DDX10: variants seen among roughly 807,000 people sequenced by gnomAD.
The protein encoded by DDX10 is DEAD-box helicase 10.
Under a neutral mutation model 104.3 loss-of-function variants are expected in DDX10, and 74 were observed. The observed-to-expected ratio is 0.71, with a 90% CI of 0.59 to 0.86. The LOEUF (loss-of-function observed/expected upper bound fraction) is 0.86. Ranked by LOEUF, DDX10 falls within the 40% of genes least tolerant of loss-of-function variation. The pLI is 0.00. For missense variants in DDX10, 952 were observed against 1,040.0 expected, an observed-to-expected ratio of 0.92 and a Z score of 1.16; for synonymous variants, 351 against 353.4, an observed-to-expected ratio of 0.99 and a Z score of 0.08.
Position 108,715,899 on chromosome 11 carries a change from T to C in DDX10, c.1343T>C (p.Ile448Thr), listed in dbSNP as rs754230853. ...CAAAGAATCAATCCAGAAAAACTTA[T>C]AGATGTCCAGAAAAAATTGGAATCT... is the stretch of plus-strand genomic sequence containing the variant. Reference protein sequence around the residue: ...KEIKINPEKLIDVQKKLESIL... With the variant: ...KEIKINPEKLTDVQKKLESIL... Residue 448 changes from isoleucine to threonine, a missense_variant, in exon 11 of 18, where the codon ATA becomes ACA. Ile to Thr is a moderately conservative substitution (Grantham distance 89). Around this residue, in one of 3 missense-constraint regions of DDX10, gnomAD observed 533 missense variants for 534.1 expected, o/e 1.00. Transcript: ENST00000322536. 126 of 1,539,570 alleles carry C rather than the reference T, an allele frequency of 8.2e-5. No individual in the cohort carries two copies. Among genetic ancestry groups the C allele is most frequent in the Admixed American group, 6.3e-4 (37 of 58,626 alleles).
chr11:108,711,129 G>T (rs529219068), intron 10 of DDX10, among the ~76,000 whole-genome samples: 1 of 152,330 alleles, frequency 6.6e-6, no homozygotes, highest in South Asian at 2.1e-4. Context: ...ACATCATTAT[G>T]TGGCCCATGA....
intron 13 of DDX10, among the ~76,000 whole-genome samples, chr11:108,793,025 C>T (rs1212580285): frequency 6.6e-6 from 1 of 152,120 alleles, no homozygotes; most frequent in Non-Finnish European, 1.5e-5. Context: ...GTCTAGAAAT[C>T]GATGACCTGA....
At chr11:108,744,566 T>A (rs1264223863) in intron 13 of DDX10, among the ~76,000 whole-genome samples, 1 of 152,152 alleles carries the variant, frequency 6.6e-6, no homozygotes, top group African/African-American at 2.4e-5. Flanking sequence ...TTGGGAGTGT[T>A]AGTTGACCTT....
intron 14 of DDX10, among the ~76,000 whole-genome samples, 155 bp from the exon 15 acceptor site, chr11:108,841,160 A>G (rs1027246120): frequency 2.0e-5 from 3 of 152,350 alleles, no homozygotes. Flanking sequence ...AGTCTCTTCT[A>G]TGGCTTGAAG....
In DDX10 at chr11:108,920,917, C is replaced by T. The variant is rs1313375128; in HGVS notation, c.2450+2899C>T. ...GGTATCTCTGAGGAAGCAAAATTGC[C>T]CACAGTTGAGAACAACTGGATTAGA... is the stretch of plus-strand genomic sequence containing the variant. On this transcript the variant is annotated intron_variant, in intron 17 of 17. Coordinates refer to ENST00000322536, the MANE Select transcript of DDX10 (RefSeq NM_004398.4). The T allele has an allele frequency of 2.0e-5, 3 of 152,168 alleles. No individual in the cohort carries two copies. The East Asian group carries it at 5.8e-4, about 29-fold the overall frequency. The allele number at this position is 152,168 out of a possible 1,614,324, so 9.4% of individuals were successfully genotyped here.
At chr11:108,743,197 T>C (rs2094327409) in intron 13 of DDX10, among the ~76,000 whole-genome samples, 1 of 152,188 alleles carries the variant, frequency 6.6e-6, no homozygotes, top group Admixed American at 6.5e-5. Flanking sequence ...AAGTAGGCTT[T>C]ATCCCTGGGA....
chr11:108,710,886 C>T (rs764639596), intron 10 of DDX10, among the ~76,000 whole-genome samples: 72 of 152,156 alleles, frequency 4.7e-4, no homozygotes, highest in Non-Finnish European at 8.2e-4. Context: ...GTCTCCTAGG[C>T]CTAAGTGATC....
At chr11:108,745,069 T>TCCCCCTTCCCCCTC (rs2094329844) in intron 13 of DDX10, among the ~76,000 whole-genome samples, 1 of 58,602 alleles carries the variant, frequency 1.7e-5, no homozygotes, top group African/African-American at 7.3e-5. Flanking sequence ...CCTTCCCCCT[T>TCCCCCTTCCCCCTC]CCCCCTTCCC....
chr11:108,726,498 A>C (rs2134479906), intron 13 of DDX10, among the ~76,000 whole-genome samples: 1 of 152,172 alleles, frequency 6.6e-6, no homozygotes, highest in South Asian at 2.1e-4. Context: ...ATTTCCAATT[A>C]TTTGTTGCCA....
intron 17 of DDX10, among the ~76,000 whole-genome samples, chr11:108,924,578 T>C (rs919895058): frequency 9.9e-5 from 15 of 152,242 alleles, no homozygotes; most frequent in Non-Finnish European, 2.1e-4. Flanking sequence ...TAAAAATCTG[T>C]TCCATATTCA....
At chr11:108,905,530 T>G (rs1240633260) in intron 16 of DDX10, among the ~76,000 whole-genome samples, 2 of 152,200 alleles carry the variant, frequency 1.3e-5, no homozygotes, top group Non-Finnish European at 2.9e-5. Flanking sequence ...TGCATAGTGA[T>G]GTATCCATCG....
chr11:108,727,993 T>A (rs1003248634), intron 13 of DDX10, among the ~76,000 whole-genome samples: 1 of 151,914 alleles, frequency 6.6e-6, no homozygotes, highest in African/African-American at 2.4e-5. Flanking sequence ...GGGTACATTT[T>A]AGTAAATGCA....
chr11:108,696,799 C>A (rs955162795), intron 9 of DDX10, among the ~76,000 whole-genome samples: 1 of 151,642 alleles, frequency 6.6e-6, no homozygotes. Flanking sequence ...TTAGATGTGC[C>A]AGTGGTATTG....
At chr11:108,748,534 A>G (rs2094334565) in intron 13 of DDX10, among the ~76,000 whole-genome samples, 1 of 152,220 alleles carries the variant, frequency 6.6e-6, no homozygotes, top group African/African-American at 2.4e-5. Flanking sequence ...TCATGAAATA[A>G]GGGTTGAAGA....
chr11:108,893,996 C>G (rs1863408942), intron 16 of DDX10, among the ~76,000 whole-genome samples: 1 of 151,904 alleles, frequency 6.6e-6, no homozygotes, highest in Admixed American at 6.6e-5. Flanking sequence ...TTAAATGTTC[C>G]CCTATCGAAG....
intron 16 of DDX10, among the ~76,000 whole-genome samples, chr11:108,901,973 T>C (rs887982624): frequency 1.2e-4 from 19 of 152,212 alleles, no homozygotes; most frequent in Admixed American, 1.2e-3. Context: ...TGTGGATAAC[T>C]TCATTAATAT....
At chr11:108,776,184 G>A (rs969903382) in intron 13 of DDX10, among the ~76,000 whole-genome samples, 3 of 152,118 alleles carry the variant, frequency 2.0e-5, no homozygotes, top group Non-Finnish European at 4.4e-5. Flanking sequence ...TTCTAATTTG[G>A]TGGAACTCAG....
chr11:108,907,404 C>T (rs201592123), intron 16 of DDX10, among the ~76,000 whole-genome samples: 3 of 151,170 alleles, frequency 2.0e-5, no homozygotes, highest in East Asian at 3.9e-4. Flanking sequence ...GGCGTGATCT[C>T]AGCTCACTGC....
rs540680512 is a variant in DDX10 at position 108,765,160 on chromosome 11, C to A, written c.1965+41698C>A. On this transcript the variant is annotated intron_variant, in intron 13 of 17. Coordinates refer to ENST00000322536, the MANE Select transcript of DDX10 (RefSeq NM_004398.4). ...ACATTATTTTGCCAATTCCCTAAAG[C>A]GGGTTTGTACCCTGACTCTGAGGGA... Among the ~76,000 whole-genome samples the A allele has an allele frequency of 9.2e-5, 14 of 152,222 alleles. No homozygotes were observed. The East Asian group carries it at 2.7e-3, about 29-fold the overall frequency.
Sources: allele counts gnomAD v4.1 joint callset (sites outside exome capture counted in the v4.1 genomes callset), GRCh38; gene constraint gnomAD v4.1.1; regional missense constraint gnomAD v4.1.1; transcripts MANE v1.5; gene names NCBI Gene and HGNC (gene_info 2026-07-23, HGNC 2026-07-21).